COL6A3: variants seen among roughly 807,000 people sequenced by gnomAD.
COL6A3 encodes collagen type VI alpha 3 chain, also known as collagen alpha-3(VI) chain.
Under a neutral mutation model 274.1 loss-of-function variants are expected in COL6A3, and 137 were observed. The ratio of observed to expected loss-of-function variants is 0.50; its 90% CI spans 0.44 to 0.58. COL6A3 has a LOEUF of 0.58. Among genes scored for constraint, COL6A3 ranks in the 20% least tolerant of loss-of-function variants. The probability of loss-of-function intolerance (pLI) is 0.00; values close to 1 mark genes in which losing one functional copy is unlikely to be tolerated. For synonymous variants in COL6A3, 1,650 were observed against 1,650.6 expected, an observed-to-expected ratio of 1.00 and a Z score of 0.01; for missense variants, 3,950 against 4,124.9, an observed-to-expected ratio of 0.96 and a Z score of 1.16.
In COL6A3 at chr2:237,347,864, G is replaced by A. The variant is rs113961575; in HGVS notation, c.6972C>T (p.Asn2324=). 989 of 1,609,800 alleles carry A rather than the reference G, an allele frequency of 6.1e-4. 9 individuals carry two copies. In the African/African-American group the frequency reaches 0.012, roughly 19 times the overall value. ...GFPGYPGPKG[N]PGEPGLNGTT... is the part of the protein sequence containing the mutation. ...TTCCATTTAGCCCAGGTTCACCTGGGTTACCCTGGGAAGAAAGCCGAGAAG... is the reference window on the plus strand; with the variant it reads ...TTCCATTTAGCCCAGGTTCACCTGGATTACCCTGGGAAGAAAGCCGAGAAG... Residue 2324 remains asparagine (N), a synonymous_variant, in exon 31 of 44, where the codon AAC becomes AAT. Coordinates refer to ENST00000295550, the MANE Select transcript of COL6A3 (RefSeq NM_004369.4).
rs1228455866 is a variant in COL6A3, at chr2:237,387,724, C to CT, written c.1169dup (p.His391AlafsTer6). On this transcript the variant is annotated frameshift_variant, in exon 4 of 44. Coordinates refer to ENST00000295550, the MANE Select transcript of COL6A3 (RefSeq NM_004369.4). LOFTEE classifies it high-confidence loss of function. Reference sequence around the variant, plus strand: ...CCAAGTTGTCATCGGTAGCTATGTGCTGAAGCTCTGCCCTGGAGGCGGCCT... The same window carrying CT: ...CCAAGTTGTCATCGGTAGCTATGTGCTTGAAGCTCTGCCCTGGAGGCGGCCT... 6.2e-7 allele frequency: 1 copy of CT among 1,614,056 alleles called. No homozygotes were observed. Among genetic ancestry groups the CT allele is most frequent in the Non-Finnish European group, 8.5e-7 (1 of 1,179,952 alleles).
chr2:237,383,421 G>T (rs892564351), intron 4 of COL6A3, among the ~76,000 whole-genome samples: 1 of 152,120 alleles, frequency 6.6e-6, no homozygotes, highest in African/African-American at 2.4e-5. Flanking sequence ...TTTAGAACAT[G>T]CTGTCTCTCT....
rs11681749 is a variant in COL6A3, at chr2:237,335,013, C to T, written c.8966-124G>A. 116,566 of 1,118,666 alleles carry T rather than the reference C, an allele frequency of 0.1. 7,201 individuals carry two copies. The highest frequency in any genetic ancestry group is 0.12 in the Non-Finnish European group (92,734 of 748,870). The allele number at this position is 1,118,666 out of a possible 1,614,324, so 69.3% of individuals were successfully genotyped here. On this transcript the variant is annotated intron_variant, in intron 40 of 43. Transcript: ENST00000295550. The stretch of plus-strand genomic sequence containing the variant: ...AAATTGACTTGAAATTTAGCTGAGG[C>T]GGGGAACTAATTTCTTGTTCAAGCC...
At chr2:237,385,463 T>C (rs1287637832) in intron 4 of COL6A3, among the ~76,000 whole-genome samples, 1 of 152,214 alleles carries the variant, frequency 6.6e-6, no homozygotes. Flanking sequence ...TATCTTCATC[T>C]GGTGCAACTC....
intron 5 of COL6A3, among the ~76,000 whole-genome samples, chr2:237,379,729 T>C (rs1202300887): frequency 1.3e-5 from 2 of 152,080 alleles, no homozygotes; most frequent in African/African-American, 2.4e-5. Flanking sequence ...CTAAAAAAAA[T>C]AGCAAAAGTA....
At position 237,346,585 on chromosome 2, in the gene COL6A3, C is replaced by T. The variant is rs1011041456; in HGVS notation, c.7030-20G>A. ...ATTTCCCTAGAGGGAGCAGAACAAA[C>T]ATTGTTCAACTGTGTCAGAAAGTGG... On this transcript the variant is annotated intron_variant, in intron 31 of 43. Transcript: ENST00000295550. The T allele has an allele frequency of 8.7e-6, 14 of 1,606,670 alleles. 1 individual carries two copies. The African/African-American group carries it at 1.9e-4, about 21-fold the overall frequency.
At chr2:237,409,672 G>C (rs4663747) in intron 1 of COL6A3, among the ~76,000 whole-genome samples, 6 of 151,970 alleles carry the variant, frequency 3.9e-5, no homozygotes, top group African/African-American at 7.3e-5. Context: ...TATTCAAGAC[G>C]AGACATTCAT....
intron 40 of COL6A3, among the ~76,000 whole-genome samples, chr2:237,335,664 C>T (rs565931679): frequency 6.6e-6 from 1 of 152,296 alleles, no homozygotes; most frequent in South Asian, 2.1e-4. Context: ...ACAAAGTTTG[C>T]AGTTGCAAAG....
At chr2:237,367,439 T>C (rs1451564340) in intron 10 of COL6A3, among the ~76,000 whole-genome samples, 153 bp from the exon 11 acceptor site, 1 of 152,236 alleles carries the variant, frequency 6.6e-6, no homozygotes, top group Non-Finnish European at 1.5e-5. Context: ...CTTTAGCCTG[T>C]AGTTCCTGAA....
rs902668335 is a variant in COL6A3, at chr2:237,364,038, G to A, written c.5917+312C>T. Among the ~76,000 whole-genome samples the A allele has an allele frequency of 6.6e-6, 1 of 152,178 alleles. No homozygotes were observed. The highest frequency in any genetic ancestry group is 1.5e-5 in the Non-Finnish European group (1 of 68,028). ...TATTTTTATTAGTAACTAATTCCTA[G>A]TTTATGTGATGAAGTTAAATGAATC... is the stretch of plus-strand genomic sequence containing the variant. On this transcript the variant is annotated intron_variant, in intron 13 of 43. Coordinates refer to ENST00000295550, the MANE Select transcript of COL6A3 (RefSeq NM_004369.4). The surrounding 1 kb of genome is among the most constrained non-coding windows in gnomAD (Gnocchi z 4.6).
At chr2:237,350,125 C>T (rs1202439494) in intron 28 of COL6A3, 22 bp downstream of exon 28, 5 of 1,612,990 alleles carry the variant, frequency 3.1e-6, no homozygotes, top group African/African-American at 1.3e-5. Context: ...ACAGCCTGAC[C>T]CCAAGCGCGC....
intron 1 of COL6A3, among the ~76,000 whole-genome samples, chr2:237,404,814 C>T (rs2078681303): frequency 6.6e-6 from 1 of 152,152 alleles, no homozygotes; most frequent in Non-Finnish European, 1.5e-5. Context: ...TCAATACAAT[C>T]TAAATAGTTA....
chr2:237,381,288 G>A lies in COL6A3; in HGVS notation c.1524C>T (p.Val508=). The A allele has an allele frequency of 6.2e-7, 1 of 1,614,260 alleles. No homozygotes were observed. Among genetic ancestry groups the A allele is most frequent in the South Asian group, 1.1e-5 (1 of 91,072 alleles). ...GCTTCATTTTCCGCACAGCGGTTAT[G>A]ACTTCCCTTTTTGTTGGATGGGTAT... is the stretch of plus-strand genomic sequence containing the variant. ...YFNTHPTKRE[V]ITAVRKMKPL... The change falls in exon 5 of 44, where the codon GTC becomes GTT. Residue 508 remains valine, a synonymous_variant. Transcript: ENST00000295550.
intron 1 of COL6A3, among the ~76,000 whole-genome samples, chr2:237,403,707 C>CTG (rs1219541160): frequency 2.0e-5 from 3 of 152,102 alleles, no homozygotes; most frequent in Non-Finnish European, 4.4e-5. Flanking sequence ...AGTGCTTGTG[C>CTG]TGTGGTTTGA....
rs924964819 is a variant in COL6A3, at chr2:237,334,884, T to C, written c.8971A>G (p.Met2991Val). The C allele has an allele frequency of 6.2e-7, 1 of 1,614,132 alleles. No individual in the cohort carries two copies. Among genetic ancestry groups the C allele is most frequent in the Non-Finnish European group, 8.5e-7 (1 of 1,180,024 alleles). The change falls in exon 41 of 44, where the codon ATG becomes GTG. Residue 2991 changes from methionine to valine, a missense_variant. By Grantham distance (21) the Met-to-Val change is conservative. This residue lies in a region of COL6A3 where 1,284 missense variants were observed against 1,349.7 expected (regional missense o/e 0.95). Transcript: ENST00000295550. The part of the protein sequence containing the change: ...KPATTKPMVK[M>V]SREVQVFEIT... ...TCAAACACCTGGACTTCACGGGACA[T>C]CTTAACTGAAAGATAGATCAGAGCG...
chr2:237,408,193 A>C (rs1433570519), intron 1 of COL6A3, among the ~76,000 whole-genome samples: 1 of 152,254 alleles, frequency 6.6e-6, no homozygotes, highest in African/African-American at 2.4e-5. Flanking sequence ...CATCTGATAA[A>C]ATATCATCCA....
chr2:237,394,942 A>C lies in COL6A3; in HGVS notation c.354T>G (p.Thr118=), dbSNP rs751592191. The C allele has an allele frequency of 5.8e-5, 93 of 1,613,898 alleles. No homozygotes were observed. Among genetic ancestry groups the C allele is most frequent in the Non-Finnish European group, 7.7e-5 (91 of 1,179,984 alleles). ...GCATTATGTATTCTAATCCTTTTCC[A>C]GTCTGATTGGTTCCCCCAATATAAG... ...NMSYIGGTNQ[T]GKGLEYIMQS... Residue 118 remains threonine, a synonymous_variant, in exon 3 of 44, where the codon ACT becomes ACG. Transcript: ENST00000295550.
intron 42 of COL6A3, among the ~76,000 whole-genome samples, chr2:237,332,107 A>AT (rs1553543270): frequency 0.014 from 444 of 31,748 alleles, 65 homozygotes; most frequent in Middle Eastern, 0.038. Context: ...ATATATATAT[A>AT]TATATATATA....
At chr2:237,326,937 C>T (rs541485032) in intron 42 of COL6A3, 2 of 152,440 alleles carry the variant, frequency 1.3e-5, no homozygotes, top group East Asian at 3.9e-4. Flanking sequence ...TGCTGTCACC[C>T]AAATTCCAGG....
Sources: allele counts gnomAD v4.1 joint callset (sites outside exome capture counted in the v4.1 genomes callset), GRCh38; gene constraint gnomAD v4.1.1; regional missense constraint gnomAD v4.1.1; non-coding constraint Gnocchi (gnomAD v3.1); transcripts MANE v1.5; gene names NCBI Gene and HGNC (gene_info 2026-07-23, HGNC 2026-07-21).